Variants in PRAM1 observed in about 807,000 individuals in gnomAD.
The protein encoded by PRAM1 is PML-RARA regulated adaptor molecule 1.
Under a neutral mutation model 55.3 loss-of-function variants are expected in PRAM1, and 41 were observed. The ratio of observed to expected loss-of-function variants is 0.74; its 90% CI spans 0.58 to 0.96. The LOEUF is 0.96. Ranked by LOEUF, PRAM1 falls within the 40% of genes least tolerant of loss-of-function variation. The pLI is 0.00. For missense variants in PRAM1, 898 were observed against 892.7 expected, an observed-to-expected ratio of 1.01 and a Z score of -0.08; for synonymous variants, 401 against 387.1, an observed-to-expected ratio of 1.04 and a Z score of -0.42.
intron 1 of PRAM1, 115 bp from the exon 2 acceptor site, chr19:8,499,895 G>C (rs542541540): frequency 1.2e-6 from 1 of 854,200 alleles, no homozygotes; most frequent in East Asian, 2.7e-5. Flanking sequence ...GCCCAGGCCC[G>C]GTCAGCCCTC....
chr19:8,501,507 A>ATTTTTTTTT (rs773534887), intron 1 of PRAM1, among the ~76,000 whole-genome samples: 17 of 102,858 alleles, frequency 1.7e-4, no homozygotes, highest in Admixed American at 3.4e-4. Context: ...ATGTGTCTTG[A>ATTTTTTTTT]TTTTTTTTTT....
Position 8,498,293 on chromosome 19 carries a change from T to C in PRAM1, c.1433-4A>G, listed in dbSNP as rs770804419. 1 of 1,611,348 alleles carries C rather than the reference T, an allele frequency of 6.2e-7. No homozygotes were observed. Among genetic ancestry groups the C allele is most frequent in the South Asian group, 1.1e-5 (1 of 90,618 alleles). ...GCCGAGCGGGTCCTCCGTAGATCTG[T>C]GGGGTAGAGAGTAGGGCAGGGAAGC... is the stretch of plus-strand genomic sequence containing the variant. On this transcript the variant is annotated splice_polypyrimidine_tract_variant and splice_region_variant and intron_variant, in intron 2 of 9. Coordinates refer to ENST00000423345, the MANE Select transcript of PRAM1 (RefSeq NM_032152.5).
chr19:8,490,201 G>A lies in PRAM1; in HGVS notation c.2001C>T (p.Pro667=), dbSNP rs1434445916. The A allele has an allele frequency of 6.3e-7, 1 of 1,591,214 alleles. No individual in the cohort carries two copies. Among genetic ancestry groups the A allele is most frequent in the Non-Finnish European group, 8.6e-7 (1 of 1,167,958 alleles). The change falls in exon 10 of 10, where the codon CCC becomes CCT. Residue 667 remains proline, a synonymous_variant. Transcript: ENST00000423345. This position sits in a 1 kb window ranked among gnomAD's most constrained non-coding sequence, Gnocchi z 7.3. ...FCDPLENQPL[P]LGR The stretch of plus-strand genomic sequence containing the variant: ...ACGCCTACCGGTCTTACCGTCCCAG[G>A]GGGAGTGGTTGGTTTTCCAGGGGAT...
Position 8,499,628 on chromosome 19 carries a change from C to T in PRAM1, c.180G>A (p.Pro60=), listed in dbSNP as rs760587305. The part of the protein sequence containing the change: ...PELSEHPKKA[P]LPEFGAVSLK... ...AGGACACTGCACCAAACTCAGGCAGCGGGGCCTTCTTGGGGTGCTCGCTTA... is the reference window on the plus strand; with the variant it reads ...AGGACACTGCACCAAACTCAGGCAGTGGGGCCTTCTTGGGGTGCTCGCTTA... The change falls in exon 2 of 10, where the codon CCG becomes CCA. Residue 60 remains proline, a synonymous_variant. Transcript: ENST00000423345. The T allele has an allele frequency of 4.3e-6, 7 of 1,612,908 alleles. 1 individual carries two copies. The highest frequency in any genetic ancestry group is 2.2e-5 in the East Asian group (1 of 44,874).
rs57998722 is a variant in PRAM1, at chr19:8,493,521, C to T, written c.1577-2364G>A. 9.6e-3 allele frequency among the ~76,000 whole-genome samples: 1,457 copies of T among 151,130 alleles called. 36 individuals are homozygous for T. Among genetic ancestry groups the T allele is most frequent in the African/African-American group, 0.034 (1,375 of 40,392 alleles). On this transcript the variant is annotated intron_variant, in intron 4 of 9. Coordinates refer to ENST00000423345, the MANE Select transcript of PRAM1 (RefSeq NM_032152.5). The surrounding 1 kb of genome is among the most constrained non-coding windows in gnomAD (Gnocchi z 4.1). ...CGCCATGCAGGCAGCCCTGGTTCAT[C>T]CACAGCTGACCCAGAGCAGGCCTCT... is the stretch of plus-strand genomic sequence containing the variant.
In PRAM1 at chr19:8,498,760, G is replaced by A. The variant is rs369144041; in HGVS notation, c.1048C>T (p.Arg350Cys). The A allele has an allele frequency of 6.4e-7, 1 of 1,572,492 alleles. No individual in the cohort carries two copies. Among genetic ancestry groups the A allele is most frequent in the Non-Finnish European group, 8.6e-7 (1 of 1,159,722 alleles). The change falls in exon 2 of 10, where the codon CGC becomes TGC. Residue 350 changes from arginine to cysteine, a missense_variant. Coordinates refer to ENST00000423345, the MANE Select transcript of PRAM1 (RefSeq NM_032152.5). ...GAGAACTTGCGGGGTGGCCCCCGGC[G>A]CTCCGGCTGCAGCAGCTTCCTGGGG... ...SLPRKLLQPE[R>C]RGPPRKFSQP...
At chr19:8,501,470 G>A (rs1298801118) in intron 1 of PRAM1, among the ~76,000 whole-genome samples, 2 of 142,596 alleles carry the variant, frequency 1.4e-5, no homozygotes, top group Admixed American at 7.0e-5. Flanking sequence ...CCACCCCTAC[G>A]TATTATACTA....
rs371553970 is a variant in PRAM1, at chr19:8,492,803, C to T, written c.1577-1646G>A. Among the ~76,000 whole-genome samples the T allele has an allele frequency of 1.5e-3, 225 of 152,002 alleles. 2 individuals are homozygous for T. The South Asian group carries it at 0.025, about 17-fold the overall frequency. ...CTTGAGGTCAGGAGTTTGACAGCAG[C>T]CTGGCCAACATGGTGAAACCCTGTC... On this transcript the variant is annotated intron_variant, in intron 4 of 9. Coordinates refer to ENST00000423345, the MANE Select transcript of PRAM1 (RefSeq NM_032152.5).
rs1971764646 is a variant in PRAM1, at chr19:8,499,344, G to A, written c.464C>T (p.Ala155Val). ...QPEVGEAPLKASLPEPGAPAR... is the reference protein window; with the variant it reads ...QPEVGEAPLKVSLPEPGAPAR... ...CGGCGCACCAGGCTCCGGCAGCGAGGCCTTCAAAGGGGCCTCACCGACCTC... is the reference window on the plus strand; with the variant it reads ...CGGCGCACCAGGCTCCGGCAGCGAGACCTTCAAAGGGGCCTCACCGACCTC... The change falls in exon 2 of 10, where the codon GCC (alanine) becomes GTC (valine). Residue 155 changes from alanine to valine, a missense_variant. By Grantham distance (64) the Ala-to-Val change is moderately conservative. This residue lies in a region of PRAM1 where 787 missense variants were observed against 735.4 expected (regional missense o/e 1.07). Transcript: ENST00000423345. 1 of 1,611,820 alleles carries A rather than the reference G, an allele frequency of 6.2e-7. No individual in the cohort carries two copies. Among genetic ancestry groups the A allele is most frequent in the South Asian group, 1.1e-5 (1 of 90,960 alleles).
Position 8,490,505 on chromosome 19 carries a change from G to C in PRAM1, c.1911C>G (p.Gly637=), listed in dbSNP as rs746089010. Residue 637 remains glycine (G), a synonymous_variant, in exon 8 of 10, where the codon GGC becomes GGG. Transcript: ENST00000423345. This position sits in a 1 kb window ranked among gnomAD's most constrained non-coding sequence, Gnocchi z 7.3. Reference sequence around the variant, plus strand: ...GCAGGAGCGCTGTTCTGGGCACGTAGCCATCTGTGGAGAGAGTGGGCATGG... The same window carrying C: ...GCAGGAGCGCTGTTCTGGGCACGTACCCATCTGTGGAGAGAGTGGGCATGG... ...MLCRDPKGKY[G]YVPRTALLPL... 7 of 1,611,444 alleles carry C rather than the reference G, an allele frequency of 4.3e-6. No homozygotes were observed. The South Asian group carries it at 5.5e-5, about 13-fold the overall frequency.
chr19:8,492,235 GTTTT>G (rs35488462), intron 4 of PRAM1, among the ~76,000 whole-genome samples: 3 of 142,832 alleles, frequency 2.1e-5, no homozygotes, highest in African/African-American at 7.8e-5. Flanking sequence ...GTGCCTAGCC[GTTTT>G]TTTTTTTGTT....
intron 4 of PRAM1, among the ~76,000 whole-genome samples, 188 bp downstream of exon 4, chr19:8,497,576 A>T (rs1240398122): frequency 6.6e-6 from 1 of 152,118 alleles, no homozygotes; most frequent in Non-Finnish European, 1.5e-5. Flanking sequence ...TCCTGCTGCC[A>T]ACCTGGGCCA....
Position 8,500,278 on chromosome 19 carries a change from G to T in PRAM1, c.28-498C>A, listed in dbSNP as rs1379711533. The stretch of plus-strand genomic sequence containing the variant: ...TTGAGCCGCCGCGCCCAGGCCCCCA[G>T]TCCCTTCTGTGCTAATTTCAAAACA... On this transcript the variant is annotated intron_variant, in intron 1 of 9. Transcript: ENST00000423345. Among the ~76,000 whole-genome samples, 4 of 151,732 alleles carry T rather than the reference G, an allele frequency of 2.6e-5. No individual in the cohort carries two copies. The East Asian group carries it at 7.8e-4, about 30-fold the overall frequency.
At chr19:8,501,746 C>T (rs981593087) in intron 1 of PRAM1, among the ~76,000 whole-genome samples, 1 of 152,174 alleles carries the variant, frequency 6.6e-6, no homozygotes, top group African/African-American at 2.4e-5. Context: ...GTCCCTCTCA[C>T]ACCGTCTCTG....
rs1568313386 is a variant in PRAM1 at position 8,491,001 on chromosome 19, A to AC, written c.1635-7_1635-6insG. On this transcript the variant is annotated splice_region_variant and splice_polypyrimidine_tract_variant and intron_variant, in intron 5 of 9. Coordinates refer to ENST00000423345, the MANE Select transcript of PRAM1 (RefSeq NM_032152.5). ...GCTGGGGATCCTTCTCCTTCCTGAT[A>AC]GCCCCCACCAAGGAATTGTGTGCTC... The AC allele has an allele frequency of 1.9e-6, 3 of 1,612,440 alleles. No individual in the cohort carries two copies. Among genetic ancestry groups the AC allele is most frequent in the Admixed American group, 1.7e-5 (1 of 59,936 alleles).
chr19:8,491,270 G>C (rs1599876550), intron 4 of PRAM1, 113 bp from the exon 5 acceptor site: 6 of 1,164,326 alleles, frequency 5.2e-6, no homozygotes, highest in Non-Finnish European at 7.4e-6. Flanking sequence ...GTCTTGCTCT[G>C]TCACCCAGGC....
intron 2 of PRAM1, 26 bp downstream of exon 2, chr19:8,498,350 T>G: frequency 6.3e-7 from 1 of 1,587,354 alleles, no homozygotes; most frequent in Non-Finnish European, 8.6e-7. Context: ...CCCCCGCTCC[T>G]GCCGGTGCCG....
intron 4 of PRAM1, among the ~76,000 whole-genome samples, chr19:8,492,826 G>C (rs749375789): frequency 6.6e-6 from 1 of 151,856 alleles, no homozygotes; most frequent in Non-Finnish European, 1.5e-5. Flanking sequence ...GTGAAACCCT[G>C]TCTCTACTAA....
chr19:8,499,752 T>C lies in PRAM1; in HGVS notation c.56A>G (p.Lys19Arg). The C allele has an allele frequency of 6.2e-7, 1 of 1,610,860 alleles. No individual in the cohort carries two copies. Among genetic ancestry groups the C allele is most frequent in the Non-Finnish European group, 8.5e-7 (1 of 1,178,554 alleles). ...CGGCTGAGAGGCCTGGAACTTTGCT[T>C]TGATGCTCCGGAAGTCCTGATGGCT... ...MESHQDFRSI[K>R]AKFQASQPEP... Residue 19 changes from lysine to arginine, a missense_variant, in exon 2 of 10, where the codon AAA becomes AGA. By Grantham distance (26) the Lys-to-Arg change is conservative. This residue lies in a region of PRAM1 where 79 missense variants were observed against 93.4 expected (regional missense o/e 0.85). Coordinates refer to ENST00000423345, the MANE Select transcript of PRAM1 (RefSeq NM_032152.5).
Sources: allele counts gnomAD v4.1 joint callset (sites outside exome capture counted in the v4.1 genomes callset), GRCh38; gene constraint gnomAD v4.1.1; regional missense constraint gnomAD v4.1.1; non-coding constraint Gnocchi (gnomAD v3.1); transcripts MANE v1.5; gene names NCBI Gene and HGNC (gene_info 2026-07-23, HGNC 2026-07-21).